Variants in HS1BP3 observed in about 807,000 individuals in gnomAD.
HS1BP3 encodes HCLS1 binding protein 3.
A neutral mutation model predicts 33.5 loss-of-function variants in HS1BP3; 32 were observed. The ratio of observed to expected loss-of-function variants is 0.95; its 90% confidence interval spans 0.72 to 1.28. HS1BP3 has a LOEUF of 1.28. Ranked by LOEUF, HS1BP3 falls within the 50% of genes most tolerant of loss-of-function variation. HS1BP3 has a pLI of 0.00. For synonymous variants in HS1BP3, 187 were observed against 209.2 expected, an observed-to-expected ratio of 0.89 and a Z score of 0.92; for missense variants, 486 against 502.3, an observed-to-expected ratio of 0.97 and a Z score of 0.31.
At chr2:20,575,155 T>G (rs1693369507) in intron 5 of HS1BP3, among the ~76,000 whole-genome samples, 1 of 152,256 alleles carries the variant, frequency 6.6e-6, no homozygotes. Flanking sequence ...TTTGGATTTC[T>G]CTGGAACTTT....
At chr2:20,624,465 C>T (rs111594880) in intron 5 of HS1BP3, among the ~76,000 whole-genome samples, 48 of 152,172 alleles carry the variant, frequency 3.2e-4, no homozygotes, top group Non-Finnish European at 1.9e-4. Flanking sequence ...TCCATGCAGG[C>T]GACACAGAGT....
intron 4 of HS1BP3, among the ~76,000 whole-genome samples, chr2:20,628,764 A>G (rs755630681): frequency 3.3e-5 from 5 of 152,228 alleles, no homozygotes; most frequent in Non-Finnish European, 7.3e-5. Flanking sequence ...ATGTGGAGAC[A>G]GGAAGTGAAC....
At chr2:20,591,088 G>C (rs1228775890), downstream of HS1BP3, 7 of 167,162 alleles carry the variant, frequency 4.2e-5, no homozygotes. Context: ...AGGGCAGGCT[G>C]GTTACGTTGG....
At chr2:20,621,088 C>T (rs988879138) in intron 6 of HS1BP3, among the ~76,000 whole-genome samples, 2 of 152,228 alleles carry the variant, frequency 1.3e-5, no homozygotes, top group African/African-American at 4.8e-5. Context: ...TGAGAATGAA[C>T]AGGAAGAACC....
At chr2:20,586,415 T>G (rs80035881) in intron 5 of HS1BP3, 1 of 152,078 alleles carries the variant, frequency 6.6e-6, no homozygotes, top group African/African-American at 2.4e-5. Context: ...CCCACCCCAA[T>G]ACACCGTCCT....
downstream of HS1BP3, among the ~76,000 whole-genome samples, chr2:20,590,449 G>A (rs762036678): frequency 2.0e-5 from 3 of 152,130 alleles, no homozygotes; most frequent in African/African-American, 2.4e-5. Flanking sequence ...GATGGGACCC[G>A]ATGCCTCTGG....
chr2:20,557,140 C>T (rs2060916), downstream of HS1BP3, among the ~76,000 whole-genome samples: 107,139 of 152,192 alleles, frequency 0.7, 41,999 homozygotes, highest in Non-Finnish European at 0.86. Context: ...ATCCCATTGA[C>T]CTCTAGCATC....
chr2:20,559,731 GAT>G (rs1160580901), downstream of HS1BP3, among the ~76,000 whole-genome samples: 107 of 151,738 alleles, frequency 7.1e-4, no homozygotes, highest in Non-Finnish European at 5.7e-4. Context: ...TGGATGGATG[GAT>G]GGATGGATGG....
chr2:20,554,447 G>T, the HS1BP3 span, among the ~76,000 whole-genome samples: 3 of 152,198 alleles, frequency 2.0e-5, no homozygotes, highest in African/African-American at 4.8e-5. Context: ...CAGGGGCCAG[G>T]CGCGGTGGCT....
chr2:20,638,234 A>T (rs1166964297), intron 4 of HS1BP3: 17 of 605,388 alleles, frequency 2.8e-5, no homozygotes, highest in Non-Finnish European at 5.0e-5. Context: ...ACCTAAGCCC[A>T]GTCCCAGAGA....
At chr2:20,572,605 A>G (rs367902386) in intron 5 of HS1BP3, among the ~76,000 whole-genome samples, 1 of 152,196 alleles carries the variant, frequency 6.6e-6, no homozygotes, top group African/African-American at 2.4e-5. Flanking sequence ...TTATCTGTAA[A>G]ATGGTTAGAA....
intron 5 of HS1BP3, among the ~76,000 whole-genome samples, chr2:20,584,764 G>T (rs560742765): frequency 8.5e-4 from 130 of 152,258 alleles, no homozygotes; most frequent in Non-Finnish European, 1.7e-3. Flanking sequence ...ATGCTCATGG[G>T]GCTGGAGGGA....
chr2:20,554,874 C>G, the HS1BP3 span, among the ~76,000 whole-genome samples: 1 of 152,136 alleles, frequency 6.6e-6, no homozygotes, highest in Non-Finnish European at 1.5e-5. Context: ...GCATCCACCC[C>G]CTACTTAAAA....
At chr2:20,596,588 G>A (rs1693948261) in intron 3 of HS1BP3, among the ~76,000 whole-genome samples, 1 of 152,172 alleles carries the variant, frequency 6.6e-6, no homozygotes, top group Non-Finnish European at 1.5e-5. Context: ...CCAGAACTGT[G>A]AGCTATACAT....
chr2:20,628,982 A>G (rs570991057), intron 4 of HS1BP3, among the ~76,000 whole-genome samples: 1 of 152,146 alleles, frequency 6.6e-6, no homozygotes, highest in South Asian at 2.1e-4. Flanking sequence ...TGGTCCATAG[A>G]AGAAATGACC....
intron 2 of HS1BP3, among the ~76,000 whole-genome samples, chr2:20,599,969 A>G (rs1373786714): frequency 6.6e-6 from 1 of 152,100 alleles, no homozygotes; most frequent in South Asian, 2.1e-4. Flanking sequence ...CAGCAGTGAG[A>G]GCTGATTCCA....
At chr2:20,627,351 G>C (rs1479720125) in intron 4 of HS1BP3, among the ~76,000 whole-genome samples, 1 of 152,222 alleles carries the variant, frequency 6.6e-6, no homozygotes, top group Non-Finnish European at 1.5e-5. Flanking sequence ...AACCAGCCAC[G>C]GGCCCCTCGG....
chr2:20,615,590 G>A (rs1694406852), downstream of HS1BP3, among the ~76,000 whole-genome samples: 3 of 152,196 alleles, frequency 2.0e-5, no homozygotes, highest in African/African-American at 7.2e-5. Context: ...CAGCAGGCAG[G>A]ACCACTATGT....
Position 20,618,126 on chromosome 2 carries a change from T to G in HS1BP3, c.*861A>C, listed in dbSNP as rs1411943769. Reference sequence around the variant, plus strand: ...CCCCAGGCTGAGCTGTGGGGAAAGCTATGACCCAGTTTGCTGAGAGCTGCA... The same window carrying G: ...CCCCAGGCTGAGCTGTGGGGAAAGCGATGACCCAGTTTGCTGAGAGCTGCA... On this transcript the variant is annotated 3_prime_UTR_variant, in exon 7 of 7. Transcript: ENST00000304031. 1 of 152,230 alleles carries G rather than the reference T, an allele frequency of 6.6e-6. No homozygotes were observed. The highest frequency in any genetic ancestry group is 1.9e-4 in the East Asian group (1 of 5,176). 9.4% of individuals were successfully genotyped at this position (152,230 alleles called of 1,614,324 possible). A position where few individuals can be genotyped will look rare whatever the true frequency, so the allele number is the denominator to read the frequency against.
Sources: gnomAD v4.1 joint callset for allele counts (sites outside exome capture counted in the v4.1 genomes callset) on GRCh38, gnomAD v4.1.1 for gene constraint, MANE v1.5 for transcripts, NCBI Gene and HGNC (gene_info 2026-07-23, HGNC 2026-07-21) for gene names.